Variants in PPP2R5D observed in about 807,000 individuals in gnomAD.
PPP2R5D encodes the protein serine/threonine-protein phosphatase 2A 56 kDa regulatory subunit delta isoform.
In PPP2R5D, 12 loss-of-function variants were observed where a neutral mutation model predicts 79.1. The observed-to-expected ratio is 0.15, with a 90% CI of 0.10 to 0.25. PPP2R5D has a LOEUF of 0.25. Among genes scored for constraint, PPP2R5D ranks in the 10% least tolerant of loss-of-function variants. The pLI is 1.00. For missense variants in PPP2R5D, 419 were observed against 760.2 expected (o/e 0.55, Z 5.28); for synonymous variants, 277 against 286.6 (o/e 0.97, Z 0.34).
chr6:43,008,436 C>T lies in PPP2R5D; in HGVS notation c.987C>T (p.Pro329=), dbSNP rs1158547519. The change falls in exon 9 of 16, where the codon CCC becomes CCT. Residue 329 remains proline (P), a synonymous_variant. Transcript: ENST00000485511. This position sits in a 1 kb window ranked among gnomAD's most constrained non-coding sequence, Gnocchi z 4.2. ...HKMFLIRVLL[P]LHKVKSLSVY... ...TGTTCCTCATCCGTGTCCTACTTCC[C>T]CTTCACAAGGTCAAGTCCCTGAGTG... 2.5e-6 allele frequency: 4 copies of T among 1,613,906 alleles called. No homozygotes were observed. The highest frequency in any genetic ancestry group is 3.4e-6 in the Non-Finnish European group (4 of 1,179,934).
intron 2 of PPP2R5D, among the ~76,000 whole-genome samples, chr6:42,994,347 A>C (rs1013459814): frequency 2.6e-5 from 4 of 152,304 alleles, no homozygotes; most frequent in African/African-American, 9.6e-5. Context: ...GCAGAGCTGG[A>C]ATTCAACCCA....
rs527759904 is a variant in PPP2R5D at position 42,987,412 on chromosome 6, T to G, written c.28-2199T>G. Among the ~76,000 whole-genome samples, 3 of 152,256 alleles carry G rather than the reference T, an allele frequency of 2.0e-5. No individual in the cohort carries two copies. In the East Asian group the frequency reaches 5.8e-4, roughly 29 times the overall value. ...GCCCCTGCCCCCTCCGATTTTTTTC[T>G]TGTTCATAATAATAGTAATAACATT... is the stretch of plus-strand genomic sequence containing the variant. On this transcript the variant is annotated intron_variant, in intron 1 of 15. Coordinates refer to ENST00000485511, the MANE Select transcript of PPP2R5D (RefSeq NM_006245.4).
intron 2 of PPP2R5D, among the ~76,000 whole-genome samples, chr6:42,990,177 G>C (rs1233538025): frequency 6.6e-6 from 1 of 152,212 alleles, no homozygotes; most frequent in Admixed American, 6.5e-5. Flanking sequence ...GTTCAGCGCA[G>C]CTTAGCAATC....
chr6:42,992,993 T>C (rs1217592941), intron 2 of PPP2R5D, among the ~76,000 whole-genome samples: 1 of 150,410 alleles, frequency 6.6e-6, no homozygotes, highest in African/African-American at 2.5e-5. Context: ...AAACACTGTC[T>C]CTACTAAAAA....
Position 43,009,246 on chromosome 6 carries a change from A to G in PPP2R5D, c.1251+19A>G. ...TTTCCAGGTGAGACTCCAACCTAGC[A>G]TATCCTAGCCCCTGCCAGAAACTGA... On this transcript the variant is annotated intron_variant, in intron 11 of 15. Coordinates refer to ENST00000485511, the MANE Select transcript of PPP2R5D (RefSeq NM_006245.4). This position sits in a 1 kb window ranked among gnomAD's most constrained non-coding sequence, Gnocchi z 5.6. 6.2e-7 allele frequency: 1 copy of G among 1,614,084 alleles called. No homozygotes were observed. The highest frequency in any genetic ancestry group is 8.5e-7 in the Non-Finnish European group (1 of 1,180,002).
chr6:43,001,499 A>T (rs1462433725), intron 2 of PPP2R5D, among the ~76,000 whole-genome samples: 2 of 152,204 alleles, frequency 1.3e-5, no homozygotes, highest in Non-Finnish European at 2.9e-5. Flanking sequence ...TTGTGCTAGC[A>T]TAGGAAGGAG....
intron 1 of PPP2R5D, among the ~76,000 whole-genome samples, chr6:42,986,045 G>A (rs1770818507): frequency 6.6e-6 from 1 of 152,108 alleles, no homozygotes; most frequent in Admixed American, 6.5e-5. Context: ...CCAAAGTGCT[G>A]GGATTACAGG....
chr6:43,007,699 T>C lies in PPP2R5D; in HGVS notation c.726+193T>C, dbSNP rs1323119831. 6.6e-6 allele frequency among the ~76,000 whole-genome samples: 1 copy of C among 151,982 alleles called. No individual in the cohort carries two copies. The highest frequency in any genetic ancestry group is 1.5e-5 in the Non-Finnish European group (1 of 67,986). On this transcript the variant is annotated intron_variant, in intron 6 of 15. Transcript: ENST00000485511. This position sits in a 1 kb window ranked among gnomAD's most constrained non-coding sequence, Gnocchi z 4.5. ...CCTTAAGAAACTAACAACATAATGG[T>C]AGGAAACAAAAAAGCAACAGAGTAC...
chr6:43,011,267 C>T lies in PPP2R5D; in HGVS notation c.1790C>T (p.Ala597Val). The change falls in exon 16 of 16, where the codon GCC becomes GTC. Residue 597 changes from alanine to valine, a missense_variant. Around this residue, in one of 5 missense-constraint regions of PPP2R5D, gnomAD observed 84 missense variants for 105.4 expected, o/e 0.80. Transcript: ENST00000485511. ...AHKRAEEFLT[A>V]SQEAL ...AAGCGGGCGGAAGAGTTCCTAACTG[C>T]CAGCCAGGAGGCTCTCTGACCCCTC... 1 of 1,614,028 alleles carries T rather than the reference C, an allele frequency of 6.2e-7. No homozygotes were observed. Among genetic ancestry groups the T allele is most frequent in the Non-Finnish European group, 8.5e-7 (1 of 1,179,988 alleles).
chr6:43,004,403 A>G (rs1420082839), intron 2 of PPP2R5D, among the ~76,000 whole-genome samples: 1 of 152,194 alleles, frequency 6.6e-6, no homozygotes, highest in African/African-American at 2.4e-5. Flanking sequence ...TTATTTCAAA[A>G]TTTTATCAGT....
chr6:42,987,661 T>C (rs1276746893), intron 1 of PPP2R5D, among the ~76,000 whole-genome samples: 1 of 152,126 alleles, frequency 6.6e-6, no homozygotes, highest in African/African-American at 2.4e-5. Context: ...TGGGCTGAAA[T>C]GTGTGTGCTT....
At chr6:42,987,786 C>T (rs1969759) in intron 1 of PPP2R5D, among the ~76,000 whole-genome samples, 39,055 of 151,996 alleles carry the variant, frequency 0.26, 8,270 homozygotes, top group African/African-American at 0.58. Flanking sequence ...TTGAAAGATA[C>T]GTCTGAGGCA....
chr6:43,004,559 T>G (rs1761955250), intron 2 of PPP2R5D, among the ~76,000 whole-genome samples: 1 of 142,388 alleles, frequency 7.0e-6, no homozygotes, highest in Admixed American at 7.3e-5. Context: ...CACATTGGAT[T>G]CTTTTCCTAC....
At chr6:43,004,721 T>A (rs1761968483) in intron 2 of PPP2R5D, among the ~76,000 whole-genome samples, 1 of 151,666 alleles carries the variant, frequency 6.6e-6, no homozygotes, top group Admixed American at 6.6e-5. Flanking sequence ...GTGAAAATAT[T>A]TTTTACAACT....
intron 2 of PPP2R5D, among the ~76,000 whole-genome samples, chr6:42,992,333 ACAGATGTGAGC>A (rs1771329958): frequency 1.3e-5 from 2 of 152,210 alleles, no homozygotes; most frequent in East Asian, 3.9e-4. Context: ...TGCTGGGATT[ACAGATGTGAGC>A]CACCGCGCCC....
rs369333679 is a variant in PPP2R5D, at chr6:42,984,717, C to T, written c.27+13C>T. 6.2e-7 allele frequency: 1 copy of T among 1,612,040 alleles called. No homozygotes were observed. The highest frequency in any genetic ancestry group is 8.5e-7 in the Non-Finnish European group (1 of 1,179,098). ...GAAAAAGGAGAAGGTGAGCGTGGCC[C>T]TTTTTCCCCCACCGCCGCCTTGGAG... is the stretch of plus-strand genomic sequence containing the variant. On this transcript the variant is annotated intron_variant, in intron 1 of 15. Coordinates refer to ENST00000485511, the MANE Select transcript of PPP2R5D (RefSeq NM_006245.4).
In PPP2R5D at chr6:43,008,386, C is replaced by G. The variant is rs866594047; in HGVS notation, c.937C>G (p.Leu313Val). Residue 313 changes from leucine (L) to valine (V), a missense_variant, in exon 9 of 16, where the codon CTG becomes GTG. Physicochemically the swap from Leu to Val is conservative, Grantham distance 32. Coordinates refer to ENST00000485511, the MANE Select transcript of PPP2R5D (RefSeq NM_006245.4). The surrounding 1 kb of genome is among the most constrained non-coding windows in gnomAD (Gnocchi z 4.2). ...ILGSIINGFA[L>V]PLKEEHKMFL... ...TCCTAGCATCATCAATGGCTTTGCCCTGCCCCTTAAAGAAGAGCACAAGAT... is the reference window on the plus strand; with the variant it reads ...TCCTAGCATCATCAATGGCTTTGCCGTGCCCCTTAAAGAAGAGCACAAGAT... The G allele has an allele frequency of 1.2e-6, 2 of 1,613,938 alleles. No homozygotes were observed. The highest frequency in any genetic ancestry group is 1.7e-5 in the Admixed American group (1 of 59,994).
intron 1 of PPP2R5D, among the ~76,000 whole-genome samples, chr6:42,988,696 A>G (rs1771031704): frequency 6.6e-6 from 1 of 152,160 alleles, no homozygotes; most frequent in African/African-American, 2.4e-5. Flanking sequence ...GGCCCCTCCC[A>G]AGCCTGATGC....
At chr6:42,998,597 A>G (rs1445724263) in intron 2 of PPP2R5D, among the ~76,000 whole-genome samples, 3 of 152,066 alleles carry the variant, frequency 2.0e-5, no homozygotes, top group Admixed American at 2.0e-4. Context: ...GATGGCCTCT[A>G]TGGAGTCCCA....
Sources: gnomAD v4.1 joint callset for allele counts (sites outside exome capture counted in the v4.1 genomes callset) on GRCh38, gnomAD v4.1.1 for gene constraint, gnomAD v4.1.1 regional missense constraint, Gnocchi (gnomAD v3.1) non-coding constraint, MANE v1.5 for transcripts, NCBI Gene and HGNC (gene_info 2026-07-23, HGNC 2026-07-21) for gene names.